THSD7B: variants seen among roughly 807,000 people sequenced by gnomAD.
THSD7B encodes thrombospondin type-1 domain-containing protein 7B.
A neutral mutation model predicts 213.6 loss-of-function variants in THSD7B; 138 were observed. The ratio of observed to expected loss-of-function variants is 0.65; its 90% CI spans 0.56 to 0.74. The LOEUF is 0.74. THSD7B is among the 30% of genes least tolerant of loss of function. THSD7B has a pLI of 0.00. For missense variants in THSD7B, 1,931 were observed against 1,991.5 expected, an observed-to-expected ratio of 0.97 and a Z score of 0.58; for synonymous variants, 742 against 687.0, an observed-to-expected ratio of 1.08 and a Z score of -1.25.
chr2:136,880,309 C>G (rs565914407), intron 1 of THSD7B, among the ~76,000 whole-genome samples: 30 of 152,264 alleles, frequency 2.0e-4, no homozygotes, highest in African/African-American at 7.0e-4. Flanking sequence ...AGATTTGCCA[C>G]CCACCTGTAG....
intron 12 of THSD7B, among the ~76,000 whole-genome samples, chr2:137,384,378 G>A (rs1305050577): frequency 6.6e-6 from 1 of 152,076 alleles, no homozygotes; most frequent in Non-Finnish European, 1.5e-5. Flanking sequence ...ATAACTTCAG[G>A]GAAAGAGACA....
chr2:137,283,181 G>C lies in THSD7B; in HGVS notation c.2500+7155G>C, dbSNP rs559824694. 3.3e-5 allele frequency among the ~76,000 whole-genome samples: 5 copies of C among 152,216 alleles called. No individual in the cohort carries two copies. In the East Asian group the frequency reaches 5.8e-4, roughly 18 times the overall value. ...CTCTTTGAAGCAATTGTGAATGGCA[G>C]TTCACTCATGATTTGGCTCTCTGTT... On this transcript the variant is annotated intron_variant, in intron 12 of 27. Transcript: ENST00000409968.
chr2:137,309,506 A>T (rs931149251), intron 12 of THSD7B, among the ~76,000 whole-genome samples: 1 of 150,828 alleles, frequency 6.6e-6, no homozygotes, highest in Non-Finnish European at 1.5e-5. Flanking sequence ...AATTTTATTT[A>T]TTTTTTATTA....
At chr2:137,110,748 T>G (rs1688332962) in intron 4 of THSD7B, among the ~76,000 whole-genome samples, 1 of 152,242 alleles carries the variant, frequency 6.6e-6, no homozygotes, top group Non-Finnish European at 1.5e-5. Context: ...AACTTGCAAT[T>G]ACAGCCATGC....
At position 137,225,587 on chromosome 2, in the gene THSD7B, C is replaced by T. The variant is rs757931498; in HGVS notation, c.1724-5457C>T. Among the ~76,000 whole-genome samples the T allele has an allele frequency of 2.6e-5, 4 of 152,212 alleles. No homozygotes were observed. In the South Asian group the frequency reaches 8.3e-4, roughly 32 times the overall value. On this transcript the variant is annotated intron_variant, in intron 7 of 27. Transcript: ENST00000409968. ...CTTTGAGAAAGTTTTTTAACTTCTT[C>T]ATGCCTCAGGTGTAACAATAGTGCC...
At chr2:137,104,374 C>G (rs1345023568) in intron 4 of THSD7B, among the ~76,000 whole-genome samples, 1 of 152,086 alleles carries the variant, frequency 6.6e-6, no homozygotes. Flanking sequence ...TGGGACACAG[C>G]TAAAGCACTA....
chr2:137,102,168 T>C (rs1688163411), intron 4 of THSD7B, among the ~76,000 whole-genome samples: 1 of 152,164 alleles, frequency 6.6e-6, no homozygotes, highest in African/African-American at 2.4e-5. Flanking sequence ...TGGGTGCCCC[T>C]CTGGGGTGAA....
At chr2:137,455,086 A>C (rs2105071842) in intron 15 of THSD7B, among the ~76,000 whole-genome samples, 1 of 152,246 alleles carries the variant, frequency 6.6e-6, no homozygotes, top group African/African-American at 2.4e-5. Flanking sequence ...ATTCTCCTCC[A>C]CTGCTTCTCT....
chr2:137,194,102 C>T (rs1385032339), intron 7 of THSD7B, among the ~76,000 whole-genome samples: 1 of 152,080 alleles, frequency 6.6e-6, no homozygotes, highest in Non-Finnish European at 1.5e-5. Context: ...ATAAGAGTAA[C>T]AAGTAAGACC....
chr2:137,103,321 A>G (rs1688184351), intron 4 of THSD7B, among the ~76,000 whole-genome samples: 1 of 152,218 alleles, frequency 6.6e-6, no homozygotes, highest in Non-Finnish European at 1.5e-5. Flanking sequence ...TCCTTTACAG[A>G]CAAGCAAATG....
chr2:136,876,816 T>C (rs1485973173), intron 1 of THSD7B, among the ~76,000 whole-genome samples: 37 of 152,182 alleles, frequency 2.4e-4, no homozygotes, highest in Admixed American at 2.4e-3. Flanking sequence ...AGCTCCTGCC[T>C]GTATGAACCC....
chr2:136,774,673 C>A (rs1054722705), intron 1 of THSD7B, among the ~76,000 whole-genome samples: 1 of 152,032 alleles, frequency 6.6e-6, no homozygotes, highest in African/African-American at 2.4e-5. Context: ...ATATTAAGAA[C>A]AAGACGTCTG....
intron 15 of THSD7B, among the ~76,000 whole-genome samples, chr2:137,497,144 T>C (rs1246138406): frequency 6.6e-6 from 1 of 151,920 alleles, no homozygotes; most frequent in Non-Finnish European, 1.5e-5. Context: ...TGGTAGTTAC[T>C]TTTTTAGGCT....
chr2:137,180,953 T>C (rs901577919), intron 7 of THSD7B, among the ~76,000 whole-genome samples: 1 of 152,182 alleles, frequency 6.6e-6, no homozygotes, highest in Non-Finnish European at 1.5e-5. Context: ...AACCATACAC[T>C]AAGCATGTTG....
At chr2:137,500,616 C>A (rs1679680674) in intron 15 of THSD7B, among the ~76,000 whole-genome samples, 1 of 152,104 alleles carries the variant, frequency 6.6e-6, no homozygotes, top group Non-Finnish European at 1.5e-5. Context: ...GTGAAGCTAT[C>A]TTTTAAATCG....
chr2:136,932,989 C>T (rs1684656288), intron 2 of THSD7B, among the ~76,000 whole-genome samples: 1 of 152,098 alleles, frequency 6.6e-6, no homozygotes, highest in Non-Finnish European at 1.5e-5. Flanking sequence ...GTGGCTTTCA[C>T]AGTGGTTAAA....
At chr2:137,539,706 T>A (rs1380331100) in intron 15 of THSD7B, among the ~76,000 whole-genome samples, 2 of 151,758 alleles carry the variant, frequency 1.3e-5, no homozygotes, top group African/African-American at 2.4e-5. Context: ...TAGAAACTTT[T>A]TTTCTCTGAG....
intron 1 of THSD7B, among the ~76,000 whole-genome samples, chr2:136,779,194 A>G (rs1386785538): frequency 1.3e-5 from 1 of 76,642 alleles, no homozygotes; most frequent in Non-Finnish European, 2.7e-5. Context: ...GGCTATATAT[A>G]TATATGTGTG....
intron 12 of THSD7B, among the ~76,000 whole-genome samples, chr2:137,328,931 A>G (rs1363563850): frequency 6.6e-6 from 1 of 152,196 alleles, no homozygotes; most frequent in Non-Finnish European, 1.5e-5. Context: ...CTGTGAGTCA[A>G]CTAAACTTCC....
Sources: gnomAD v4.1 joint callset for allele counts (sites outside exome capture counted in the v4.1 genomes callset) on GRCh38, gnomAD v4.1.1 for gene constraint, MANE v1.5 for transcripts, NCBI Gene and HGNC (gene_info 2026-07-23, HGNC 2026-07-21) for gene names.